Variants in MYOM2 observed in about 807,000 individuals in gnomAD.
The protein encoded by MYOM2 is myomesin 2.
MYOM2 carries 254 observed loss-of-function variants against 187.6 expected under a neutral mutation model. The observed-to-expected ratio is 1.35, with a 90% CI of 1.22 to 1.50. The LOEUF is 1.50. Among genes scored for constraint, MYOM2 ranks in the 40% most tolerant of loss-of-function variants. The pLI, the probability that MYOM2 is intolerant of heterozygous loss-of-function variation, is 0.00. For synonymous variants in MYOM2, 981 were observed against 753.8 expected, an observed-to-expected ratio of 1.30 and a Z score of -4.94; for missense variants, 2,796 against 1,924.0, an observed-to-expected ratio of 1.45 and a Z score of -8.48.
intron 10 of MYOM2, 128 bp downstream of exon 10, chr8:2,073,628 C>A: frequency 9.0e-7 from 1 of 1,115,870 alleles, no homozygotes; most frequent in Non-Finnish European, 1.2e-6. Context: ...CCTTGGAGAC[C>A]CCATGCGGCC....
chr8:2,057,279 C>A (rs957239660), intron 3 of MYOM2, 69 bp from the exon 4 acceptor site: 2 of 1,533,860 alleles, frequency 1.3e-6, no homozygotes, highest in African/African-American at 1.4e-5. Flanking sequence ...CATGCCCTTT[C>A]CGGCCTTCGG....
At chr8:2,093,401 CA>C (rs1334544337) in intron 16 of MYOM2, among the ~76,000 whole-genome samples, 4 of 152,176 alleles carry the variant, frequency 2.6e-5, no homozygotes, top group African/African-American at 9.7e-5. Context: ...CTATCATACA[CA>C]AAGCATCTGT....
rs369564350 is a variant in MYOM2, at chr8:2,050,802, A to G, written c.36A>G (p.Arg12=). ...TGACTGTCCCCTTCTACCAGAAGAG[A>G]CATAGGCACTTCGACCAGTCCTACC... is the stretch of plus-strand genomic sequence containing the variant. ...SLVTVPFYQK[R]HRHFDQSYRN... The change falls in exon 2 of 37, where the codon AGA becomes AGG. Residue 12 remains arginine (R), a synonymous_variant. Coordinates refer to ENST00000262113, the MANE Select transcript of MYOM2 (RefSeq NM_003970.4). 5.6e-6 allele frequency: 9 copies of G among 1,613,394 alleles called. No individual in the cohort carries two copies. Among genetic ancestry groups the G allele is most frequent in the Middle Eastern group, 3.3e-4 (2 of 6,080 alleles).
At chr8:2,072,225 C>A in intron 8 of MYOM2, 120 bp from the exon 9 acceptor site, 2 of 198,224 alleles carry the variant, frequency 1.0e-5, no homozygotes, top group Non-Finnish European at 1.0e-5. Flanking sequence ...AGCGAGACTC[C>A]GTCCCCCCGC....
At position 2,090,781 on chromosome 8, in the gene MYOM2, C is replaced by G. The variant is rs151104620; in HGVS notation, c.1828+590C>G. 9.6e-3 allele frequency among the ~76,000 whole-genome samples: 1,462 copies of G among 152,308 alleles called. 8 individuals carry two copies. Among genetic ancestry groups the G allele is most frequent in the Non-Finnish European group, 0.015 (994 of 68,028 alleles). On this transcript the variant is annotated intron_variant, in intron 15 of 36. Transcript: ENST00000262113. ...AATGGCCTCCAGCTTCACTCATATT[C>G]CTGCAAAGGACGTGGTCTTGTTCTT...
At position 2,057,637 on chromosome 8, in the gene MYOM2, G is replaced by A. The variant is rs138601887; in HGVS notation, c.417G>A (p.Leu139=). The A allele has an allele frequency of 1.2e-6, 2 of 1,613,978 alleles. No individual in the cohort carries two copies. Among genetic ancestry groups the A allele is most frequent in the Non-Finnish European group, 1.7e-6 (2 of 1,180,014 alleles). The change falls in exon 5 of 37, where the codon CTG becomes CTA. Residue 139 remains leucine (L), a synonymous_variant. Coordinates refer to ENST00000262113, the MANE Select transcript of MYOM2 (RefSeq NM_003970.4). ...YAIQQMMEDK[L]AWERHTFEER... is the part of the protein sequence containing the mutation. ...TCTCGGGGCAGATGGAGGACAAGCT[G>A]GCCTGGGAGAGACACACATTTGAAG...
intron 6 of MYOM2, among the ~76,000 whole-genome samples, chr8:2,062,103 G>A (rs941885407): frequency 2.0e-5 from 3 of 152,224 alleles, no homozygotes; most frequent in Non-Finnish European, 4.4e-5. Flanking sequence ...GGGCCCCCTG[G>A]CACAAAGGCT....
chr8:2,064,921 A>G (rs1343960734), intron 6 of MYOM2, among the ~76,000 whole-genome samples: 1 of 152,208 alleles, frequency 6.6e-6, no homozygotes, highest in Non-Finnish European at 1.5e-5. Context: ...TTCTCAAAAG[A>G]CTTAGAAATT....
chr8:2,066,597 G>C (rs1272359631), intron 6 of MYOM2, among the ~76,000 whole-genome samples: 1 of 152,198 alleles, frequency 6.6e-6, no homozygotes, highest in Non-Finnish European at 1.5e-5. Flanking sequence ...ACAAAATGCA[G>C]CAATGCCCAC....
chr8:2,069,261 G>T lies in MYOM2; in HGVS notation c.654-17G>T, dbSNP rs771688911. 3.1e-6 allele frequency: 5 copies of T among 1,602,496 alleles called. No homozygotes were observed. The highest frequency in any genetic ancestry group is 4.3e-6 in the Non-Finnish European group (5 of 1,172,700). ...ACAACAGTCCCGCAGACTTTCTCTT[G>T]TTTTTTTCTCTCCAAGGGCAGACTT... On this transcript the variant is annotated splice_polypyrimidine_tract_variant and intron_variant, in intron 6 of 36. Transcript: ENST00000262113.
At chr8:2,062,675 T>C (rs910529137) in intron 6 of MYOM2, among the ~76,000 whole-genome samples, 2 of 152,190 alleles carry the variant, frequency 1.3e-5, no homozygotes, top group African/African-American at 4.8e-5. Flanking sequence ...CCGTAGGCCG[T>C]CATGTCTAGA....
intron 31 of MYOM2, among the ~76,000 whole-genome samples, chr8:2,128,155 C>T (rs544023348): frequency 3.9e-5 from 6 of 152,050 alleles, no homozygotes; most frequent in Non-Finnish European, 7.4e-5. Flanking sequence ...AATGAGTTTC[C>T]ATTATTTTAA....
At chr8:2,090,944 C>T (rs1397057570) in intron 15 of MYOM2, among the ~76,000 whole-genome samples, 1 of 143,558 alleles carries the variant, frequency 7.0e-6, no homozygotes, top group Non-Finnish European at 1.5e-5. Context: ...ATCCATATGT[C>T]TTTATGGTAG....
intron 14 of MYOM2, among the ~76,000 whole-genome samples, chr8:2,086,523 C>CCT (rs1796079700): frequency 4.1e-5 from 6 of 145,764 alleles, no homozygotes; most frequent in Non-Finnish European, 6.1e-5. Flanking sequence ...TGCGTGGCCC[C>CCT]ACACTGTCGT....
chr8:2,135,360 T>C (rs73657755), intron 32 of MYOM2, among the ~76,000 whole-genome samples: 20,177 of 152,122 alleles, frequency 0.13, 2,189 homozygotes, highest in African/African-American at 0.28. Flanking sequence ...AACATAGTTA[T>C]GTTCATTTGT....
rs777054185 is a variant in MYOM2 at position 2,052,190 on chromosome 8, C to T, written c.140C>T (p.Ser47Phe). Reference sequence around the variant, plus strand: ...TCCACCCAGGCATCTTCCCAGAAGTCCTTGAGTCAGCGGTCGTCTTCACAG... The same window carrying T: ...TCCACCCAGGCATCTTCCCAGAAGTTCTTGAGTCAGCGGTCGTCTTCACAG... Reference protein sequence around the residue: ...RASTQASSQKSLSQRSSSQRA... With the variant: ...RASTQASSQKFLSQRSSSQRA... The change falls in exon 3 of 37, where the codon TCC (serine) becomes TTC (phenylalanine). Residue 47 changes from serine (S) to phenylalanine (F), a missense_variant. Coordinates refer to ENST00000262113, the MANE Select transcript of MYOM2 (RefSeq NM_003970.4). The T allele has an allele frequency of 6.2e-7, 1 of 1,613,488 alleles. No homozygotes were observed. Among genetic ancestry groups the T allele is most frequent in the Non-Finnish European group, 8.5e-7 (1 of 1,179,802 alleles).
chr8:2,054,395 T>C (rs1262920361), intron 3 of MYOM2, among the ~76,000 whole-genome samples: 1 of 152,108 alleles, frequency 6.6e-6, no homozygotes, highest in African/African-American at 2.4e-5. Flanking sequence ...TCAGTCCCAG[T>C]GAAAAATGGG....
In MYOM2 at chr8:2,123,452, C is replaced by T. The variant is rs576009365; in HGVS notation, c.3567+87C>T. 2.7e-6 allele frequency: 4 copies of T among 1,470,388 alleles called. No individual in the cohort carries two copies. In the South Asian group the frequency reaches 4.7e-5, roughly 17 times the overall value. The allele number at this position is 1,470,388 out of a possible 1,614,324, so 91.1% of individuals were successfully genotyped here. A position where few individuals can be genotyped will look rare whatever the true frequency, so the allele number is the denominator to read the frequency against. ...AATTCTACAATCCTCTAATTTGCATCCTGAATTTCGGTGGTTTGCAAAGAA... is the reference window on the plus strand; with the variant it reads ...AATTCTACAATCCTCTAATTTGCATTCTGAATTTCGGTGGTTTGCAAAGAA... On this transcript the variant is annotated intron_variant, in intron 29 of 36. Coordinates refer to ENST00000262113, the MANE Select transcript of MYOM2 (RefSeq NM_003970.4).
chr8:2,077,562 C>G (rs911239183), intron 11 of MYOM2, among the ~76,000 whole-genome samples: 8 of 152,276 alleles, frequency 5.3e-5, no homozygotes, highest in East Asian at 1.9e-4. Context: ...ATGCTAGAGA[C>G]AGTTCTGCAG....
Sources: gnomAD v4.1 joint callset for allele counts (sites outside exome capture counted in the v4.1 genomes callset) on GRCh38, gnomAD v4.1.1 for gene constraint, MANE v1.5 for transcripts, NCBI Gene and HGNC (gene_info 2026-07-23, HGNC 2026-07-21) for gene names.